NDUFA10: variants seen among roughly 807,000 people sequenced by gnomAD.
The protein encoded by NDUFA10 is NADH dehydrogenase [ubiquinone] 1 alpha subcomplex subunit 10, mitochondrial.
NDUFA10 carries 40 observed loss-of-function variants against 47.8 expected under a neutral mutation model. The observed-to-expected ratio is 0.84, with a 90% CI of 0.65 to 1.09. The LOEUF (loss-of-function observed/expected upper bound fraction) is 1.09, where lower values mean the gene tolerates loss of function less well. Among genes scored for constraint, NDUFA10 ranks in the 50% least tolerant of loss-of-function variants. NDUFA10 has a pLI of 0.00. For missense variants in NDUFA10, 413 were observed against 451.1 expected, an observed-to-expected ratio of 0.92 and a Z score of 0.76; for synonymous variants, 183 against 172.2, an observed-to-expected ratio of 1.06 and a Z score of -0.49.
At chr2:239,966,451 C>A (rs1388004646) in intron 9 of NDUFA10, among the ~76,000 whole-genome samples, 1 of 152,168 alleles carries the variant, frequency 6.6e-6, no homozygotes, top group Non-Finnish European at 1.5e-5. Context: ...GTGGCCCAGC[C>A]TGTTTGGGAA....
intron 4 of NDUFA10, among the ~76,000 whole-genome samples, chr2:239,949,086 T>C (rs1459227448): frequency 2.0e-5 from 3 of 152,216 alleles, no homozygotes; most frequent in African/African-American, 7.2e-5. Flanking sequence ...CATGTCCCTC[T>C]TTGGGACGGA....
At chr2:240,014,288 T>G (rs769045691) in intron 5 of NDUFA10, 26 of 277,272 alleles carry the variant, frequency 9.4e-5, no homozygotes, top group Non-Finnish European at 1.5e-4. Context: ...TGTTCTAGAA[T>G]TGGTAAGTAA....
chr2:239,939,087 C>CTGG (rs1190985198), intron 4 of NDUFA10, among the ~76,000 whole-genome samples: 6 of 152,236 alleles, frequency 3.9e-5, no homozygotes, highest in Admixed American at 3.9e-4. Flanking sequence ...CAGACGTAAG[C>CTGG]TGGTGGCCCT....
chr2:239,948,544 C>T (rs1291337463), intron 4 of NDUFA10, among the ~76,000 whole-genome samples: 1 of 152,254 alleles, frequency 6.6e-6, no homozygotes, highest in African/African-American at 2.4e-5. Flanking sequence ...ATGTAAAAAG[C>T]AGCAGGCCTG....
intron 4 of NDUFA10, among the ~76,000 whole-genome samples, chr2:239,896,619 C>A (rs1693403324): frequency 6.6e-6 from 1 of 152,212 alleles, no homozygotes; most frequent in Admixed American, 6.5e-5. Flanking sequence ...AACAAACCAA[C>A]TGTAAAAACA....
intron 4 of NDUFA10, among the ~76,000 whole-genome samples, chr2:240,017,357 C>A (rs959144532): frequency 2.4e-4 from 37 of 152,232 alleles, no homozygotes; most frequent in Middle Eastern, 3.4e-3. Flanking sequence ...GCTTCTCCAC[C>A]ATCCCCACAC....
chr2:239,984,915 C>T (rs932941988), intron 9 of NDUFA10, among the ~76,000 whole-genome samples: 1 of 152,184 alleles, frequency 6.6e-6, no homozygotes, highest in African/African-American at 2.4e-5. Context: ...AAGAAGGGAC[C>T]CTGGCAAAAA....
downstream of NDUFA10, among the ~76,000 whole-genome samples, chr2:239,955,318 C>T (rs1490796870): frequency 2.0e-5 from 3 of 152,110 alleles, no homozygotes; most frequent in African/African-American, 7.2e-5. Flanking sequence ...TATGCAAGGT[C>T]GCATGACCAA....
chr2:239,938,399 C>A (rs537736195), intron 4 of NDUFA10, among the ~76,000 whole-genome samples: 9 of 152,336 alleles, frequency 5.9e-5, no homozygotes, highest in African/African-American at 2.2e-4. Context: ...TGGGCAGCCA[C>A]CGACACACAC....
chr2:240,008,406 G>T (rs775039392), intron 6 of NDUFA10, among the ~76,000 whole-genome samples: 5 of 152,198 alleles, frequency 3.3e-5, no homozygotes, highest in African/African-American at 7.2e-5. Context: ...CAAGGAAAAG[G>T]CCACACTAAT....
Position 239,960,712 on chromosome 2 carries a change from C to CA in NDUFA10, c.*405dup, listed in dbSNP as rs1487220803. The CA allele has an allele frequency of 1.5e-5, 18 of 1,170,706 alleles. No homozygotes were observed. Among genetic ancestry groups the CA allele is most frequent in the Middle Eastern group, 3.8e-4 (1 of 2,604 alleles). 72.5% of individuals were successfully genotyped at this position (1,170,706 alleles called of 1,614,324 possible). On this transcript the variant is annotated 3_prime_UTR_variant, in exon 10 of 10. Coordinates refer to ENST00000252711, the MANE Select transcript of NDUFA10 (RefSeq NM_004544.4). The stretch of plus-strand genomic sequence containing the variant: ...CACGTGTGCAGTTTCGACGTGCCCG[C>CA]ACGCACATAGACGTACGATGGGGAA...
At chr2:239,922,415 C>A (rs1489078790) in intron 4 of NDUFA10, among the ~76,000 whole-genome samples, 1 of 152,204 alleles carries the variant, frequency 6.6e-6, no homozygotes, top group Admixed American at 6.5e-5. Context: ...GACCCCAGGA[C>A]AGAGAGGAGC....
At chr2:239,916,173 TCA>T (rs773756674) in intron 4 of NDUFA10, among the ~76,000 whole-genome samples, 2 of 82,620 alleles carry the variant, frequency 2.4e-5, no homozygotes, top group African/African-American at 9.0e-5. Context: ...ACAGAGATAC[TCA>T]CACAAACATA....
rs1693659381 is a variant in NDUFA10 at position 239,906,583 on chromosome 2, GA to G, written c.295-11270del. On this transcript the variant is annotated intron_variant, in intron 4 of 5. Transcript: ENST00000419408. The surrounding 1 kb of genome is among the most constrained non-coding windows in gnomAD (Gnocchi z 4.3). ...CACAGAGGACAGCCCAAGATTTAAA[GA>G]AAATGGCAGTGCACCCCATGGATGG... Among the ~76,000 whole-genome samples, 1 of 152,156 alleles carries G rather than the reference GA, an allele frequency of 6.6e-6. No homozygotes were observed.
At chr2:239,994,019 G>C (rs906744834) in intron 8 of NDUFA10, among the ~76,000 whole-genome samples, 1 of 152,084 alleles carries the variant, frequency 6.6e-6, no homozygotes, top group Non-Finnish European at 1.5e-5. Context: ...GCAGGCTCGA[G>C]CTCTCGAGTC....
At chr2:239,921,881 CCTCCTTCCCTCT>C (rs917280775) in intron 4 of NDUFA10, among the ~76,000 whole-genome samples, 2 of 151,472 alleles carry the variant, frequency 1.3e-5, no homozygotes, top group Non-Finnish European at 2.9e-5. Context: ...CTCTTCCCTC[CCTCCTTCCCTCT>C]CTCCTTCCTT....
At chr2:239,996,057 C>T (rs992348164) in intron 8 of NDUFA10, among the ~76,000 whole-genome samples, 1 of 152,104 alleles carries the variant, frequency 6.6e-6, no homozygotes. Flanking sequence ...AGACCGATGA[C>T]CCCAACTCTG....
rs76724940 is a variant in NDUFA10 at position 239,943,597 on chromosome 2, G to A, written c.294+46477C>T. ...CTATTCTGTTAGGGACTGGGGGCAG[G>A]ACACTGTGATTCCGCTTAATCCTGC... On this transcript the variant is annotated intron_variant, in intron 4 of 5. Coordinates refer to the NDUFA10 transcript ENST00000419408. Among the ~76,000 whole-genome samples, 643 of 152,160 alleles carry A rather than the reference G, an allele frequency of 4.2e-3. 6 individuals are homozygous for A. The highest frequency in any genetic ancestry group is 0.015 in the African/African-American group (616 of 41,506).
At position 239,910,258 on chromosome 2, in the gene NDUFA10, A is replaced by G. The variant is rs1187935595; in HGVS notation, c.295-14944T>C. ...ATAAATCATTCTATTATAAAGACAC[A>G]TGCACGTGTATGTTCACTGCAGCAC... On this transcript the variant is annotated intron_variant, in intron 4 of 5. Coordinates refer to the NDUFA10 transcript ENST00000419408. 2.0e-5 allele frequency among the ~76,000 whole-genome samples: 3 copies of G among 152,366 alleles called. No homozygotes were observed. In the East Asian group the frequency reaches 5.8e-4, roughly 29 times the overall value.
Sources: gnomAD v4.1 joint callset for allele counts (sites outside exome capture counted in the v4.1 genomes callset) on GRCh38, gnomAD v4.1.1 for gene constraint, Gnocchi (gnomAD v3.1) non-coding constraint, MANE v1.5 for transcripts, NCBI Gene and HGNC (gene_info 2026-07-23, HGNC 2026-07-21) for gene names.